The following FRAS1 variants were observed in gnomAD, a reference collection of about 807,000 sequenced individuals.
FRAS1 encodes the protein extracellular matrix organizing protein FRAS1.
Under a neutral mutation model 435.2 loss-of-function variants are expected in FRAS1, and 290 were observed. The ratio of observed to expected loss-of-function variants is 0.67; its 90% CI spans 0.61 to 0.73. The LOEUF (loss-of-function observed/expected upper bound fraction) is 0.73, where lower values mean the gene tolerates loss of function less well. Among genes scored for constraint, FRAS1 ranks in the 30% least tolerant of loss-of-function variants. FRAS1 has a pLI of 0.00. For missense variants in FRAS1, 4,860 were observed against 5,001.5 expected (o/e 0.97, Z 0.85); for synonymous variants, 1,800 against 1,851.0 (o/e 0.97, Z 0.71).
At chr4:78,355,049 C>A (rs903024224) in intron 20 of FRAS1, among the ~76,000 whole-genome samples, 2 of 152,158 alleles carry the variant, frequency 1.3e-5, no homozygotes, top group African/African-American at 4.8e-5. Flanking sequence ...GATTCTACAG[C>A]TGCTGAGTCA....
chr4:78,330,178 A>G (rs2110254260), intron 18 of FRAS1, among the ~76,000 whole-genome samples: 1 of 152,310 alleles, frequency 6.6e-6, no homozygotes, highest in East Asian at 1.9e-4. Context: ...GTAATTTCTT[A>G]TGCCTGTCTT....
Position 78,274,470 on chromosome 4 carries a change from C to G in FRAS1, c.982-4185C>G, listed in dbSNP as rs181305638. 2.8e-3 allele frequency among the ~76,000 whole-genome samples: 427 copies of G among 152,276 alleles called. 1 individual carries two copies. The highest frequency in any genetic ancestry group is 0.01 in the African/African-American group (421 of 41,540). Reference sequence around the variant, plus strand: ...GGCATTTAGTGCTATAAATTTCCCTCTACACACTGCTTTACATGTGTCCCA... The same window carrying G: ...GGCATTTAGTGCTATAAATTTCCCTGTACACACTGCTTTACATGTGTCCCA... On this transcript the variant is annotated intron_variant, in intron 9 of 73. Coordinates refer to ENST00000512123, the MANE Select transcript of FRAS1 (RefSeq NM_025074.7).
At chr4:78,162,273 G>C (rs572833383) in intron 2 of FRAS1, among the ~76,000 whole-genome samples, 264 of 152,196 alleles carry the variant, frequency 1.7e-3, no homozygotes, top group Non-Finnish European at 3.3e-3. Flanking sequence ...AGTATACGTG[G>C]GATATAGCAC....
chr4:78,526,036 A>G (rs1255222292), intron 69 of FRAS1, among the ~76,000 whole-genome samples: 1 of 152,168 alleles, frequency 6.6e-6, no homozygotes, highest in Non-Finnish European at 1.5e-5. Context: ...CTGCTTCCAT[A>G]TGCTCTGGAG....
intron 60 of FRAS1, among the ~76,000 whole-genome samples, chr4:78,498,151 C>T (rs763553456): frequency 3.9e-5 from 6 of 152,088 alleles, no homozygotes; most frequent in Non-Finnish European, 8.8e-5. Context: ...GGTGATGGGT[C>T]GGTGGCACAT....
chr4:78,301,229 C>T (rs1189638178), intron 14 of FRAS1, among the ~76,000 whole-genome samples: 5 of 152,154 alleles, frequency 3.3e-5, no homozygotes, highest in Non-Finnish European at 5.9e-5. Flanking sequence ...TGGTGCTCCA[C>T]TGTGAAAGAA....
intron 6 of FRAS1, among the ~76,000 whole-genome samples, chr4:78,263,049 G>A (rs904102535): frequency 6.6e-6 from 1 of 152,174 alleles, no homozygotes; most frequent in East Asian, 1.9e-4. Context: ...ATTGTTTGTT[G>A]GCCCGTGTAT....
intron 30 of FRAS1, among the ~76,000 whole-genome samples, chr4:78,406,257 G>A: frequency 6.6e-6 from 1 of 152,172 alleles, no homozygotes; most frequent in Non-Finnish European, 1.5e-5. Context: ...ACCTTCATCT[G>A]TAAAATGAAG....
At chr4:78,412,483 A>G (rs1733380796) in intron 31 of FRAS1, among the ~76,000 whole-genome samples, 1 of 152,222 alleles carries the variant, frequency 6.6e-6, no homozygotes, top group Non-Finnish European at 1.5e-5. Context: ...TTACTTACCT[A>G]TCACTTACCT....
Position 78,511,426 on chromosome 4 carries a change from G to A in FRAS1, c.9933G>A (p.Gly3311=), listed in dbSNP as rs1319178368. Residue 3311 remains glycine, a synonymous_variant, in exon 64 of 74, where the codon GGG becomes GGA. Transcript: ENST00000512123. Reference sequence around the variant, plus strand: ...TCTGCCACACACCAGTGGTGGCTGGGACATCCAGAGGCTTCCAGGCTCAGT... The same window carrying A: ...TCTGCCACACACCAGTGGTGGCTGGAACATCCAGAGGCTTCCAGGCTCAGT... The part of the protein sequence containing the change: ...SAICHTPVVA[G]TSRGFQAQSF... 2 of 1,613,786 alleles carry A rather than the reference G, an allele frequency of 1.2e-6. No homozygotes were observed. Among genetic ancestry groups the A allele is most frequent in the African/African-American group, 2.7e-5 (2 of 74,912 alleles).
rs145523167 is a variant in FRAS1, at chr4:78,257,907, C to A, written c.603+2532C>A. ...TGTAAACAGAGCCATAACCATAACC[C>A]TTCCACATTTCTGTAGGCTCACTGA... On this transcript the variant is annotated intron_variant, in intron 6 of 73. Transcript: ENST00000512123. Among the ~76,000 whole-genome samples, 51 of 152,298 alleles carry A rather than the reference C, an allele frequency of 3.3e-4. No homozygotes were observed. The East Asian group carries it at 9.4e-3, about 28-fold the overall frequency.
chr4:78,098,296 C>T (rs1741925309), intron 2 of FRAS1, among the ~76,000 whole-genome samples: 1 of 133,988 alleles, frequency 7.5e-6, no homozygotes, highest in South Asian at 2.3e-4. Flanking sequence ...TTTTTTTGGA[C>T]AGAGTCTCTC....
At chr4:78,159,943 A>G (rs1028346043) in intron 2 of FRAS1, among the ~76,000 whole-genome samples, 2 of 152,168 alleles carry the variant, frequency 1.3e-5, no homozygotes, top group African/African-American at 2.4e-5. Flanking sequence ...CCTATATCTT[A>G]TTACTCTCAT....
chr4:78,171,938 T>G (rs749853395), intron 2 of FRAS1, among the ~76,000 whole-genome samples: 5 of 152,146 alleles, frequency 3.3e-5, no homozygotes, highest in Non-Finnish European at 5.9e-5. Context: ...TAAAAGCTTC[T>G]CTATGCTTTT....
At chr4:78,163,544 C>A (rs2110027351) in intron 2 of FRAS1, among the ~76,000 whole-genome samples, 1 of 152,280 alleles carries the variant, frequency 6.6e-6, no homozygotes, top group Admixed American at 6.5e-5. Context: ...TGAGCACTTT[C>A]CAAAAGTTGT....
At chr4:78,398,707 G>A (rs375118002) in intron 29 of FRAS1, among the ~76,000 whole-genome samples, 2 of 152,130 alleles carry the variant, frequency 1.3e-5, no homozygotes, top group Non-Finnish European at 2.9e-5. Context: ...AACCTGGGCC[G>A]GGCATGGTGG....
chr4:78,172,136 C>T (rs1301045205), intron 2 of FRAS1, among the ~76,000 whole-genome samples: 2 of 152,152 alleles, frequency 1.3e-5, no homozygotes, highest in Non-Finnish European at 2.9e-5. Context: ...TCCTGCCTCA[C>T]TGTTTCCCTG....
intron 2 of FRAS1, among the ~76,000 whole-genome samples, chr4:78,150,355 T>C (rs1051486417): frequency 6.6e-6 from 1 of 152,196 alleles, no homozygotes; most frequent in Non-Finnish European, 1.5e-5. Flanking sequence ...GAGATAAAAG[T>C]GGAGCTTTTT....
intron 2 of FRAS1, among the ~76,000 whole-genome samples, chr4:78,124,670 C>A (rs559109576): frequency 7.9e-5 from 12 of 152,266 alleles, no homozygotes; most frequent in Non-Finnish European, 1.5e-4. Flanking sequence ...CTGATCTATG[C>A]AGAGATTCAA....
Sources: allele counts gnomAD v4.1 joint callset (sites outside exome capture counted in the v4.1 genomes callset), GRCh38; gene constraint gnomAD v4.1.1; transcripts MANE v1.5; gene names NCBI Gene and HGNC (gene_info 2026-07-23, HGNC 2026-07-21).